Variants in ADGRL2 observed in about 807,000 individuals in gnomAD.
ADGRL2 encodes the protein adhesion G protein-coupled receptor L2.
In ADGRL2, 44 loss-of-function variants were observed where a neutral mutation model predicts 157.4. The ratio of observed to expected loss-of-function variants is 0.28; its 90% CI spans 0.22 to 0.36. The LOEUF is 0.36. ADGRL2 is among the 10% of genes least tolerant of loss of function. ADGRL2 has a pLI of 1.00. For missense variants in ADGRL2, 1,510 were observed against 1,768.9 expected, an observed-to-expected ratio of 0.85 and a Z score of 2.63; for synonymous variants, 585 against 624.7, an observed-to-expected ratio of 0.94 and a Z score of 0.95.
chr1:81,777,170 C>T (rs768706800), intron 2 of ADGRL2, among the ~76,000 whole-genome samples: 1 of 152,322 alleles, frequency 6.6e-6, no homozygotes, highest in Admixed American at 6.5e-5. Flanking sequence ...ACTTCCAGAA[C>T]TGAGCATGGT....
intron 1 of ADGRL2, among the ~76,000 whole-genome samples, chr1:81,389,840 A>G (rs1036507810): frequency 2.6e-5 from 4 of 152,188 alleles, no homozygotes; most frequent in African/African-American, 9.6e-5. Context: ...CTAAAAAGAA[A>G]CTACATCGTA....
upstream of ADGRL2, among the ~76,000 whole-genome samples, chr1:81,795,748 G>A (rs2087554346): frequency 6.6e-6 from 1 of 152,118 alleles, no homozygotes; most frequent in Non-Finnish European, 1.5e-5. Context: ...TATCTTTAAG[G>A]ATTTAGATTT....
chr1:81,542,966 G>C (rs1356850573), intron 2 of ADGRL2, among the ~76,000 whole-genome samples: 1 of 150,014 alleles, frequency 6.7e-6, no homozygotes, highest in Non-Finnish European at 1.5e-5. Flanking sequence ...TAGCTAACAA[G>C]TTTAGAATAT....
chr1:81,504,394 G>C (rs1290216145), intron 2 of ADGRL2, among the ~76,000 whole-genome samples: 2 of 152,094 alleles, frequency 1.3e-5, no homozygotes, highest in Non-Finnish European at 1.5e-5. Context: ...CCGATGTCAG[G>C]TTCATTGAAA....
At chr1:81,541,223 T>G (rs4469751) in intron 2 of ADGRL2, among the ~76,000 whole-genome samples, 51,306 of 152,110 alleles carry the variant, frequency 0.34, 8,960 homozygotes, top group East Asian at 0.5. Context: ...TAAAATATTA[T>G]GTCTGTGTTG....
Position 81,981,309 on chromosome 1 carries a change from G to A in ADGRL2, c.3114-499G>A, listed in dbSNP as rs1339375562. On this transcript the variant is annotated intron_variant, in intron 18 of 23. Coordinates refer to ENST00000686636, the MANE Select transcript of ADGRL2 (RefSeq NM_001366006.2). ...TCATGTTTTTGTCTCATTTCAGCTAGGCTTCTTCATGCTTTAGTTATAAAA... is the reference window on the plus strand; with the variant it reads ...TCATGTTTTTGTCTCATTTCAGCTAAGCTTCTTCATGCTTTAGTTATAAAA... Among the ~76,000 whole-genome samples the A allele has an allele frequency of 3.3e-5, 5 of 151,694 alleles. No individual in the cohort carries two copies. The Admixed American group carries it at 3.3e-4, about 10-fold the overall frequency.
intron 1 of ADGRL2, among the ~76,000 whole-genome samples, chr1:81,334,675 AC>A (rs1420107420): frequency 6.6e-6 from 1 of 152,236 alleles, no homozygotes; most frequent in African/African-American, 2.4e-5. Context: ...ATTTCTGGTA[AC>A]TTTTACTATA....
chr1:81,518,568 AAGAC>A (rs2079236638), intron 2 of ADGRL2, among the ~76,000 whole-genome samples: 1 of 152,218 alleles, frequency 6.6e-6, no homozygotes, highest in Admixed American at 6.5e-5. Flanking sequence ...AACATTTGAT[AAGAC>A]AGACAGTGTA....
At chr1:81,909,593 T>A (rs1373570239) in intron 3 of ADGRL2, among the ~76,000 whole-genome samples, 2 of 152,200 alleles carry the variant, frequency 1.3e-5, no homozygotes, top group Non-Finnish European at 2.9e-5. Context: ...GACAGATGTG[T>A]TAAGCCAAGA....
In ADGRL2 at chr1:81,383,808, C is replaced by CAAA. The variant is rs56660027; in HGVS notation, c.-301-61212_-301-61210dup. Among the ~76,000 whole-genome samples the CAAA allele has an allele frequency of 5.4e-3, 559 of 104,282 alleles. 17 individuals are homozygous for CAAA. Among genetic ancestry groups the CAAA allele is most frequent in the South Asian group, 0.037 (112 of 3,024 alleles). 68.4% of individuals were successfully genotyped at this position (104,282 alleles called of 152,430 possible). ...TGAACTCCCATCTCTACTAAAAATA[C>CAAA]AAAAAAAAAAAAAAAAAAGAGAGCC... On this transcript the variant is annotated intron_variant, in intron 1 of 24. Coordinates refer to the ADGRL2 transcript ENST00000370721.
intron 2 of ADGRL2, among the ~76,000 whole-genome samples, chr1:81,782,355 C>T (rs557965348): frequency 3.0e-4 from 45 of 152,168 alleles, no homozygotes; most frequent in East Asian, 1.4e-3. Context: ...AGAAGTCAAT[C>T]GTATTATTTT....
intron 1 of ADGRL2, among the ~76,000 whole-genome samples, chr1:81,753,651 G>C (rs2085564998): frequency 6.6e-6 from 1 of 152,094 alleles, no homozygotes; most frequent in South Asian, 2.1e-4. Context: ...CAGAAATTAT[G>C]ATATTAGAAT....
chr1:81,788,667 A>G (rs2087175223), intron 2 of ADGRL2, among the ~76,000 whole-genome samples: 1 of 152,194 alleles, frequency 6.6e-6, no homozygotes, highest in Non-Finnish European at 1.5e-5. Flanking sequence ...ATGAGCTAAT[A>G]TACACCAAAT....
intron 1 of ADGRL2, among the ~76,000 whole-genome samples, chr1:81,710,075 A>C (rs560160207): frequency 6.6e-6 from 1 of 152,316 alleles, no homozygotes; most frequent in Non-Finnish European, 1.5e-5. Context: ...GCTAGGGGGA[A>C]ATATTAAATT....
chr1:81,978,403 A>G (rs909323039), intron 17 of ADGRL2, among the ~76,000 whole-genome samples: 3 of 151,788 alleles, frequency 2.0e-5, no homozygotes, highest in Non-Finnish European at 4.4e-5. Context: ...TTTTCTCTAG[A>G]TGTATTTTAA....
intron 1 of ADGRL2, chr1:81,414,120 G>A (rs1331485303): frequency 6.6e-6 from 1 of 152,088 alleles, no homozygotes; most frequent in African/African-American, 2.4e-5. Flanking sequence ...TCATATTCTT[G>A]CAAGTCTCAT....
chr1:81,776,527 G>A (rs1389570615), intron 2 of ADGRL2, among the ~76,000 whole-genome samples: 1 of 152,140 alleles, frequency 6.6e-6, no homozygotes, highest in Admixed American at 6.6e-5. Context: ...TAGTAAAGAG[G>A]ATTTGGGAAA....
chr1:81,395,823 A>G (rs2076645481), intron 1 of ADGRL2, among the ~76,000 whole-genome samples: 1 of 152,182 alleles, frequency 6.6e-6, no homozygotes, highest in Non-Finnish European at 1.5e-5. Flanking sequence ...AAATGTTCTT[A>G]GCAACTTTGT....
At chr1:81,645,835 A>G (rs1176215400) in intron 3 of ADGRL2, among the ~76,000 whole-genome samples, 1 of 152,092 alleles carries the variant, frequency 6.6e-6, no homozygotes, top group Non-Finnish European at 1.5e-5. Context: ...CTTAGCGTGT[A>G]TCTCTTTGGT....
Sources: gnomAD v4.1 joint callset for allele counts (sites outside exome capture counted in the v4.1 genomes callset) on GRCh38, gnomAD v4.1.1 for gene constraint, MANE v1.5 for transcripts, NCBI Gene and HGNC (gene_info 2026-07-23, HGNC 2026-07-21) for gene names.